UBAC2: variants seen among roughly 807,000 people sequenced by gnomAD.
UBAC2 encodes ubiquitin-associated domain-containing protein 2.
In UBAC2, 26 loss-of-function variants were observed where a neutral mutation model predicts 44.0. That is an observed-to-expected ratio of 0.59 (90% CI 0.43 to 0.82). The LOEUF (loss-of-function observed/expected upper bound fraction) is 0.82. Among genes scored for constraint, UBAC2 ranks in the 40% least tolerant of loss-of-function variants. The probability of loss-of-function intolerance (pLI) is 0.00; values close to 1 mark genes in which losing one functional copy is unlikely to be tolerated. For synonymous variants in UBAC2, 155 were observed against 154.3 expected (o/e 1.00, Z -0.04); for missense variants, 329 against 419.4 (o/e 0.78, Z 1.88).
In UBAC2 at chr13:99,255,295, G is replaced by A. The variant is rs746424593; in HGVS notation, c.389+10671G>A. 3.4e-5 allele frequency: 55 copies of A among 1,613,952 alleles called. No homozygotes were observed. In the Middle Eastern group the frequency reaches 4.9e-4, roughly 14 times the overall value. ...GAACAAAGGAATCAAGAAAAAAAAT[G>A]TCAGTCGAGTGAGGTTCAGCACGTT... On this transcript the variant is annotated intron_variant, in intron 4 of 8. Coordinates refer to ENST00000403766, the MANE Select transcript of UBAC2 (RefSeq NM_001144072.2).
intron 4 of UBAC2, among the ~76,000 whole-genome samples, chr13:99,304,992 T>A (rs2044310927): frequency 6.6e-6 from 1 of 152,214 alleles, no homozygotes; most frequent in South Asian, 2.1e-4. Flanking sequence ...GGAAGAGATG[T>A]TGATTCAAAT....
chr13:99,233,852 C>T (rs892990879), intron 1 of UBAC2, among the ~76,000 whole-genome samples: 1 of 152,038 alleles, frequency 6.6e-6, no homozygotes, highest in Non-Finnish European at 1.5e-5. Context: ...CCCGATGAAG[C>T]GTAAGTATTT....
intron 8 of UBAC2, chr13:99,377,041 C>T (rs1566529700): frequency 1.3e-5 from 2 of 152,378 alleles, no homozygotes; most frequent in Non-Finnish European, 2.9e-5. Flanking sequence ...TCTATCCTAG[C>T]ACAGTCTTTT....
At position 99,324,430 on chromosome 13, in the gene UBAC2, A is replaced by G. The variant is rs370488292; in HGVS notation, c.561+6361A>G. Among the ~76,000 whole-genome samples the G allele has an allele frequency of 2.6e-4, 39 of 152,326 alleles. 1 individual carries two copies. Among genetic ancestry groups the G allele is most frequent in the African/African-American group, 9.1e-4 (38 of 41,560 alleles). Reference sequence around the variant, plus strand: ...GCCATGAGAAAAGCAGGGCCCGGAGAGGGGCAGCTCCTCAGACTCCAGAAT... The same window carrying G: ...GCCATGAGAAAAGCAGGGCCCGGAGGGGGGCAGCTCCTCAGACTCCAGAAT... On this transcript the variant is annotated intron_variant, in intron 6 of 8. Transcript: ENST00000403766.
At chr13:99,238,371 G>T in intron 1 of UBAC2, 56 bp from the exon 2 acceptor site, 1 of 1,570,256 alleles carries the variant, frequency 6.4e-7, no homozygotes. Context: ...TCACGCATGT[G>T]GTTTTTTAAA....
At chr13:99,362,997 CA>C (rs1415293977) in intron 7 of UBAC2, among the ~76,000 whole-genome samples, 1 of 151,540 alleles carries the variant, frequency 6.6e-6, no homozygotes, top group African/African-American at 2.4e-5. Context: ...CCTATTTCTT[CA>C]AAAAAATTTT....
rs558779182 is a variant in UBAC2, at chr13:99,367,877, G to A, written c.898G>A (p.Ala300Thr). ...GGGCGGTCGGCAGTCTGAGCCAGCAGCGCCCCCTCTAGAAGTTTCTGAGGA... is the reference window on the plus strand; with the variant it reads ...GGGCGGTCGGCAGTCTGAGCCAGCAACGCCCCCTCTAGAAGTTTCTGAGGA... Reference protein sequence around the residue: ...YQGGRQSEPAAPPLEVSEEQV... With the variant: ...YQGGRQSEPATPPLEVSEEQV... Residue 300 changes from alanine (A) to threonine (T), a missense_variant, in exon 8 of 9, where the codon GCG becomes ACG. By Grantham distance (58) the Ala-to-Thr change is moderately conservative. Coordinates refer to ENST00000403766, the MANE Select transcript of UBAC2 (RefSeq NM_001144072.2). 7 of 1,613,974 alleles carry A rather than the reference G, an allele frequency of 4.3e-6. No homozygotes were observed. In the African/African-American group the frequency reaches 6.7e-5, roughly 15 times the overall value.
intron 7 of UBAC2, among the ~76,000 whole-genome samples, chr13:99,352,593 C>A (rs2045110039): frequency 6.6e-6 from 1 of 152,216 alleles, no homozygotes; most frequent in South Asian, 2.1e-4. Flanking sequence ...TCTGTCACTG[C>A]CCCTTCATCA....
In UBAC2 at chr13:99,238,326, C is replaced by T. The variant is rs2043263034; in HGVS notation, c.32-101C>T. 2.8e-6 allele frequency: 4 copies of T among 1,442,902 alleles called. No homozygotes were observed. The South Asian group carries it at 5.4e-5, about 20-fold the overall frequency. 89.4% of individuals were successfully genotyped at this position (1,442,902 alleles called of 1,614,324 possible). On this transcript the variant is annotated intron_variant, in intron 1 of 8. Coordinates refer to ENST00000403766, the MANE Select transcript of UBAC2 (RefSeq NM_001144072.2). ...TTTCAGAGTTTCTGGACTTTGTCTT[C>T]ATTCTGATTTAAAAGAAGTGAATTC...
chr13:99,339,576 TAGAA>T (rs2044852769), intron 6 of UBAC2, among the ~76,000 whole-genome samples: 1 of 152,190 alleles, frequency 6.6e-6, no homozygotes, highest in Non-Finnish European at 1.5e-5. Flanking sequence ...TTTCTCATAT[TAGAA>T]AGTTGTCAAA....
chr13:99,208,593 C>T (rs1452860267), intron 1 of UBAC2, among the ~76,000 whole-genome samples: 1 of 152,190 alleles, frequency 6.6e-6, no homozygotes, highest in Admixed American at 6.5e-5. Context: ...GACTTTCCCC[C>T]CTTTTTTTCC....
chr13:99,283,358 A>G (rs1392793195), intron 4 of UBAC2, among the ~76,000 whole-genome samples: 1 of 152,210 alleles, frequency 6.6e-6, no homozygotes, highest in Non-Finnish European at 1.5e-5. Flanking sequence ...TATGAAGGAA[A>G]AATATGGAGT....
intron 3 of UBAC2, 121 bp downstream of exon 3, chr13:99,244,072 C>G: frequency 6.0e-6 from 5 of 828,262 alleles, no homozygotes; most frequent in Non-Finnish European, 8.9e-6. Context: ...TTACACTATT[C>G]TGTATCTGAT....
At chr13:99,296,006 A>G in intron 4 of UBAC2, 1 of 1,614,128 alleles carries the variant, frequency 6.2e-7, no homozygotes, top group Non-Finnish European at 8.5e-7. Context: ...TAAGTTTCCC[A>G]CGAGCCCAAT....
At chr13:99,202,344 TA>T (rs1165949701) in intron 1 of UBAC2, among the ~76,000 whole-genome samples, 9 of 152,214 alleles carry the variant, frequency 5.9e-5, no homozygotes. Flanking sequence ...ACCCTTTAGA[TA>T]AAGAGCATTA....
rs372689137 is a variant in UBAC2, at chr13:99,361,518, C to T, written c.808-6269C>T. On this transcript the variant is annotated intron_variant, in intron 7 of 8. Transcript: ENST00000403766. Reference sequence around the variant, plus strand: ...GAAATGGAACTCAAAGCCCATTCCCCTTCCACTGTCCTGGAGTGGGTGTGT... The same window carrying T: ...GAAATGGAACTCAAAGCCCATTCCCTTTCCACTGTCCTGGAGTGGGTGTGT... Among the ~76,000 whole-genome samples the T allele has an allele frequency of 2.6e-5, 4 of 152,300 alleles. No individual in the cohort carries two copies. The East Asian group carries it at 7.7e-4, about 29-fold the overall frequency.
intron 4 of UBAC2, among the ~76,000 whole-genome samples, chr13:99,291,049 C>T (rs1022816299): frequency 6.6e-6 from 1 of 152,156 alleles, no homozygotes; most frequent in African/African-American, 2.4e-5. Flanking sequence ...CATGAATGCT[C>T]CAAGTCAGGC....
Position 99,326,302 on chromosome 13 carries a change from C to G in UBAC2, c.561+8233C>G, listed in dbSNP as rs539077300. Among the ~76,000 whole-genome samples the G allele has an allele frequency of 2.6e-3, 389 of 152,220 alleles. 7 individuals carry two copies. Among genetic ancestry groups the G allele is most frequent in the African/African-American group, 9.2e-3 (380 of 41,526 alleles). The stretch of plus-strand genomic sequence containing the variant: ...TTCCCTGATGATTAGTGACATTGAG[C>G]ATTTTTTCATGTACCTATTGGCCAT... On this transcript the variant is annotated intron_variant, in intron 6 of 8. Transcript: ENST00000403766.
chr13:99,321,626 C>T (rs756621605), intron 6 of UBAC2, among the ~76,000 whole-genome samples: 3 of 152,114 alleles, frequency 2.0e-5, no homozygotes, highest in Non-Finnish European at 2.9e-5. Flanking sequence ...AATCTCTCCT[C>T]GGTGTCCCTT....
Sources: allele counts gnomAD v4.1 joint callset (sites outside exome capture counted in the v4.1 genomes callset), GRCh38; gene constraint gnomAD v4.1.1; transcripts MANE v1.5; gene names NCBI Gene and HGNC (gene_info 2026-07-23, HGNC 2026-07-21).